The following TM4SF5 variants were observed in gnomAD, a reference collection of about 807,000 sequenced individuals.
TM4SF5 encodes transmembrane 4 L six family member 5.
TM4SF5 carries 16 observed loss-of-function variants against 22.3 expected under a neutral mutation model. That is an observed-to-expected ratio of 0.72 (90% CI 0.49 to 1.09). The LOEUF (loss-of-function observed/expected upper bound fraction) is 1.09, where lower values mean the gene tolerates loss of function less well. TM4SF5 is among the 50% of genes least tolerant of loss of function. The probability of loss-of-function intolerance (pLI) is 0.00; values close to 1 mark genes in which losing one functional copy is unlikely to be tolerated. For synonymous variants in TM4SF5, 113 were observed against 109.6 expected, an observed-to-expected ratio of 1.03 and a Z score of -0.19; for missense variants, 249 against 266.1, an observed-to-expected ratio of 0.94 and a Z score of 0.45.
At chr17:4,773,380 C>T (rs554616809) in intron 1 of TM4SF5, among the ~76,000 whole-genome samples, 1 of 152,246 alleles carries the variant, frequency 6.6e-6, no homozygotes, top group African/African-American at 2.4e-5. Flanking sequence ...ACAGATTTCC[C>T]CAATTTACTA....
chr17:4,782,703 G>A, intron 3 of TM4SF5, 64 bp downstream of exon 3: 1 of 1,600,252 alleles, frequency 6.2e-7, no homozygotes, highest in Non-Finnish European at 8.5e-7. Flanking sequence ...CTTCCCCCGT[G>A]GACTGGGACA....
intron 1 of TM4SF5, among the ~76,000 whole-genome samples, chr17:4,777,248 T>A (rs1453345997): frequency 6.7e-6 from 1 of 149,910 alleles, no homozygotes; most frequent in East Asian, 2.0e-4. Context: ...ACGGAAGACA[T>A]CCAGGAGAGA....
chr17:4,773,117 C>G (rs1917144363), intron 1 of TM4SF5, among the ~76,000 whole-genome samples: 3 of 152,092 alleles, frequency 2.0e-5, no homozygotes, highest in African/African-American at 7.2e-5. Flanking sequence ...GTTGGCTAGG[C>G]TGGTCTCGAA....
At chr17:4,774,233 T>C (rs553696302) in intron 1 of TM4SF5, among the ~76,000 whole-genome samples, 1 of 146,604 alleles carries the variant, frequency 6.8e-6, no homozygotes, top group Admixed American at 6.8e-5. Context: ...AACAAATAAA[T>C]AAGCACTGCT....
At chr17:4,772,500 AG>A (rs954424987) in intron 1 of TM4SF5, among the ~76,000 whole-genome samples, 2 of 152,014 alleles carry the variant, frequency 1.3e-5, no homozygotes, top group African/African-American at 4.8e-5. Flanking sequence ...AATTACCCAG[AG>A]CCAGGGACTG....
chr17:4,771,940 T>G lies in TM4SF5; in HGVS notation c.18T>G (p.Cys6Trp). Residue 6 changes from cysteine (C) to tryptophan (W), a missense_variant, in exon 1 of 5, where the codon TGT (cysteine) becomes TGG (tryptophan). Cys to Trp is a radical substitution (Grantham distance 215). Coordinates refer to ENST00000270560, the MANE Select transcript of TM4SF5 (RefSeq NM_003963.3). ...ACCTCACCATGTGTACGGGAAAATG[T>G]GCCCGCTGTGTGGGGCTCTCCCTCA... is the stretch of plus-strand genomic sequence containing the variant. MCTGK[C>W]ARCVGLSLIT... 6.2e-7 allele frequency: 1 copy of G among 1,614,196 alleles called. No homozygotes were observed.
At chr17:4,780,949 G>A (rs935884545) in intron 2 of TM4SF5, 80 bp downstream of exon 2, 10 of 1,240,730 alleles carry the variant, frequency 8.1e-6, no homozygotes, top group Admixed American at 6.0e-5. Context: ...GCAGGCTGAG[G>A]TGGGAGTACG....
chr17:4,782,808 G>A lies in TM4SF5; in HGVS notation c.396-46G>A, dbSNP rs2286673. The A allele has an allele frequency of 3.2e-6, 5 of 1,585,184 alleles. No individual in the cohort carries two copies. In the East Asian group the frequency reaches 9.0e-5, roughly 28 times the overall value. On this transcript the variant is annotated intron_variant, in intron 3 of 4. Transcript: ENST00000270560. Reference sequence around the variant, plus strand: ...GACGTATTCTTGGGGGCGGGGTGGCGCACGCGCACGCTGCCTTCTCCCACG... The same window carrying A: ...GACGTATTCTTGGGGGCGGGGTGGCACACGCGCACGCTGCCTTCTCCCACG...
intron 1 of TM4SF5, among the ~76,000 whole-genome samples, chr17:4,775,246 G>C (rs954879179): frequency 6.6e-6 from 1 of 151,682 alleles, no homozygotes; most frequent in African/African-American, 2.4e-5. Context: ...AAGTACAACA[G>C]AAAACTATTG....
chr17:4,776,301 T>C (rs1169726784), intron 1 of TM4SF5, among the ~76,000 whole-genome samples: 1 of 152,024 alleles, frequency 6.6e-6, no homozygotes, highest in Non-Finnish European at 1.5e-5. Flanking sequence ...TTTTGCTTTT[T>C]TGCTTTTTTG....
chr17:4,775,384 G>T lies in TM4SF5; in HGVS notation c.177+3285G>T, dbSNP rs568545926. ...CGCCATTCTCCTGCCTCAGCCTCCC[G>T]AGTAGCTGGGACTACAGGCGCCCGC... On this transcript the variant is annotated intron_variant, in intron 1 of 4. Coordinates refer to ENST00000270560, the MANE Select transcript of TM4SF5 (RefSeq NM_003963.3). Among the ~76,000 whole-genome samples the T allele has an allele frequency of 1.9e-4, 29 of 150,942 alleles. No individual in the cohort carries two copies. The South Asian group carries it at 5.5e-3, about 28-fold the overall frequency.
intron 1 of TM4SF5, among the ~76,000 whole-genome samples, chr17:4,779,498 C>T (rs915901149): frequency 6.6e-6 from 1 of 151,292 alleles, no homozygotes; most frequent in Non-Finnish European, 1.5e-5. Context: ...TGGCATGGGG[C>T]AAGAGCTATG....
At position 4,783,185 on chromosome 17, in the gene TM4SF5, C is replaced by T. The variant is rs1244805652; in HGVS notation, c.*57C>T. On this transcript the variant is annotated 3_prime_UTR_variant, in exon 5 of 5. Transcript: ENST00000270560. Reference sequence around the variant, plus strand: ...CTTCCTGGACGCTCACTCCCTTGCTCGCTAGAATAAACTGCTTTGCGCTCT... The same window carrying T: ...CTTCCTGGACGCTCACTCCCTTGCTTGCTAGAATAAACTGCTTTGCGCTCT... 2.7e-5 allele frequency: 24 copies of T among 888,364 alleles called. No homozygotes were observed. Among genetic ancestry groups the T allele is most frequent in the Admixed American group, 1.2e-4 (5 of 40,496 alleles). The allele number at this position is 888,364 out of a possible 1,614,324, so 55.0% of individuals were successfully genotyped here.
chr17:4,775,321 C>T (rs550078564), intron 1 of TM4SF5, among the ~76,000 whole-genome samples: 160 of 150,592 alleles, frequency 1.1e-3, no homozygotes, highest in African/African-American at 3.7e-3. Context: ...TGCAGTGGTG[C>T]GATCTCGGTT....
intron 2 of TM4SF5, among the ~76,000 whole-genome samples, 167 bp downstream of exon 2, chr17:4,781,036 C>T (rs1205080522): frequency 4.7e-5 from 7 of 150,206 alleles, no homozygotes; most frequent in Admixed American, 3.3e-4. Context: ...AAAAATTAGC[C>T]GGGCGTGGTG....
At chr17:4,772,361 C>T (rs1428862648) in intron 1 of TM4SF5, among the ~76,000 whole-genome samples, 1 of 152,194 alleles carries the variant, frequency 6.6e-6, no homozygotes, top group African/African-American at 2.4e-5. Flanking sequence ...CCTGCCTGTC[C>T]TCCCTGTCCC....
chr17:4,772,320 A>G (rs1464150896), intron 1 of TM4SF5, among the ~76,000 whole-genome samples: 1 of 152,150 alleles, frequency 6.6e-6, no homozygotes, highest in Non-Finnish European at 1.5e-5. Context: ...TCACTGCTCT[A>G]AAGAGCTCCC....
intron 1 of TM4SF5, among the ~76,000 whole-genome samples, chr17:4,780,504 G>T (rs956027376): frequency 6.6e-6 from 1 of 152,168 alleles, no homozygotes; most frequent in Non-Finnish European, 1.5e-5. Context: ...TAGTTTCCCT[G>T]ATTTCCATTC....
intron 3 of TM4SF5, 103 bp from the exon 4 acceptor site, chr17:4,782,751 G>T: frequency 1.3e-6 from 2 of 1,571,570 alleles, no homozygotes; most frequent in Non-Finnish European, 8.6e-7. Context: ...CTCGCTCCAC[G>T]TGGGCTACCT....
Sources: allele counts gnomAD v4.1 joint callset (sites outside exome capture counted in the v4.1 genomes callset), GRCh38; gene constraint gnomAD v4.1.1; transcripts MANE v1.5; gene names NCBI Gene and HGNC (gene_info 2026-07-23, HGNC 2026-07-21).